The following DCLK1 variants were observed in gnomAD, a reference collection of about 807,000 sequenced individuals.
The protein encoded by DCLK1 is serine/threonine-protein kinase DCLK1.
In DCLK1, 16 loss-of-function variants were observed where a neutral mutation model predicts 86.2. The observed-to-expected ratio is 0.19, with a 90% CI of 0.13 to 0.28. The LOEUF is 0.28. Among genes scored for constraint, DCLK1 ranks in the 10% least tolerant of loss-of-function variants. The pLI is 1.00. For missense variants in DCLK1, 590 were observed against 940.2 expected, an observed-to-expected ratio of 0.63 and a Z score of 4.87; for synonymous variants, 369 against 370.5, an observed-to-expected ratio of 1.00 and a Z score of 0.05.
chr13:36,058,808 T>C (rs1883430075), intron 3 of DCLK1, among the ~76,000 whole-genome samples: 1 of 152,142 alleles, frequency 6.6e-6, no homozygotes, highest in Non-Finnish European at 1.5e-5. Flanking sequence ...GGCCAACATA[T>C]AATTTAGTGG....
chr13:35,987,382 TG>T (rs972513568), intron 3 of DCLK1, among the ~76,000 whole-genome samples: 1 of 152,196 alleles, frequency 6.6e-6, no homozygotes, highest in Non-Finnish European at 1.5e-5. Context: ...GGGAGACTTC[TG>T]TAGACAGCCT....
At chr13:35,931,346 A>G (rs1876420078) in intron 4 of DCLK1, among the ~76,000 whole-genome samples, 1 of 152,196 alleles carries the variant, frequency 6.6e-6, no homozygotes, top group Non-Finnish European at 1.5e-5. Flanking sequence ...TCTGGCATGA[A>G]TACAATTAAA....
At chr13:35,834,780 C>T (rs576749273) in intron 8 of DCLK1, among the ~76,000 whole-genome samples, 20 of 152,268 alleles carry the variant, frequency 1.3e-4, no homozygotes, top group African/African-American at 4.1e-4. Flanking sequence ...CCCTATGACT[C>T]GTGCCCCTCC....
chr13:36,116,859 T>G (rs184536873), intron 2 of DCLK1, among the ~76,000 whole-genome samples: 39 of 152,346 alleles, frequency 2.6e-4, no homozygotes, highest in Non-Finnish European at 4.0e-4. Flanking sequence ...ACATGAAATA[T>G]TGTTTACAGA....
intron 11 of DCLK1, among the ~76,000 whole-genome samples, chr13:35,817,390 C>A (rs562305405): frequency 3.0e-4 from 45 of 151,792 alleles, no homozygotes; most frequent in Non-Finnish European, 1.3e-4. Context: ...TTTCTAAACA[C>A]CCCCAAAAAA....
chr13:36,096,880 G>A (rs1369333848), intron 3 of DCLK1, among the ~76,000 whole-genome samples: 11 of 152,054 alleles, frequency 7.2e-5, no homozygotes, highest in Admixed American at 7.2e-4. Context: ...GAACATGAAA[G>A]CTTTCTTCTC....
chr13:35,904,443 C>T (rs1874566026), intron 4 of DCLK1, among the ~76,000 whole-genome samples: 1 of 152,200 alleles, frequency 6.6e-6, no homozygotes, highest in Non-Finnish European at 1.5e-5. Context: ...CTGCTCGCCC[C>T]AACCTCCCAA....
intron 3 of DCLK1, among the ~76,000 whole-genome samples, chr13:35,958,124 T>TATA (rs1472448402): frequency 9.0e-4 from 1 of 1,116 alleles, no homozygotes; most frequent in South Asian, 0.038. Context: ...CCACCACCAC[T>TATA]ACCACTACTA....
At chr13:35,800,412 C>T (rs902833568) in intron 15 of DCLK1, among the ~76,000 whole-genome samples, 6 of 152,182 alleles carry the variant, frequency 3.9e-5, no homozygotes, top group Non-Finnish European at 8.8e-5. Context: ...ATGCTCCTCC[C>T]ATGGGTCTAC....
chr13:35,886,935 A>G (rs1409094434), intron 4 of DCLK1, among the ~76,000 whole-genome samples: 1 of 152,234 alleles, frequency 6.6e-6, no homozygotes, highest in Non-Finnish European at 1.5e-5. Context: ...GAGCTTCAGT[A>G]GATTCTAAGC....
intron 3 of DCLK1, among the ~76,000 whole-genome samples, chr13:36,080,132 C>G (rs558094402): frequency 6.6e-6 from 1 of 152,194 alleles, no homozygotes; most frequent in South Asian, 2.1e-4. Context: ...TCTGTTTCTA[C>G]AGCTTTTGGA....
chr13:35,877,853 C>T (rs988606676), intron 4 of DCLK1, among the ~76,000 whole-genome samples: 1 of 152,216 alleles, frequency 6.6e-6, no homozygotes, highest in East Asian at 1.9e-4. Flanking sequence ...GAAGCACATT[C>T]AGTTCCAGAG....
chr13:36,095,343 C>T (rs1884973970), intron 3 of DCLK1, among the ~76,000 whole-genome samples: 1 of 151,992 alleles, frequency 6.6e-6, no homozygotes. Context: ...GTAGCTGGGA[C>T]TATAGGCATG....
At chr13:35,913,389 T>C (rs1474959588) in intron 4 of DCLK1, among the ~76,000 whole-genome samples, 1 of 152,228 alleles carries the variant, frequency 6.6e-6, no homozygotes, top group Non-Finnish European at 1.5e-5. Context: ...GCTCTTGACT[T>C]CACTTCTTAA....
intron 3 of DCLK1, among the ~76,000 whole-genome samples, chr13:35,951,337 T>C (rs1877671648): frequency 1.3e-5 from 2 of 151,516 alleles, no homozygotes; most frequent in Admixed American, 6.6e-5. Flanking sequence ...GATGGACGGA[T>C]GGAAGAACTA....
intron 3 of DCLK1, among the ~76,000 whole-genome samples, chr13:35,979,669 C>G (rs1430222125): frequency 6.6e-6 from 1 of 152,192 alleles, no homozygotes; most frequent in African/African-American, 2.4e-5. Flanking sequence ...GCGAACAAAT[C>G]CCAGTGGCGA....
At chr13:35,942,273 T>G (rs1303396982) in intron 4 of DCLK1, among the ~76,000 whole-genome samples, 2 of 152,108 alleles carry the variant, frequency 1.3e-5, no homozygotes, top group Non-Finnish European at 2.9e-5. Context: ...TTCAAGTGAT[T>G]CTCCTGCCTC....
intron 3 of DCLK1, among the ~76,000 whole-genome samples, chr13:36,008,193 G>T (rs1593812158): frequency 1.6e-5 from 1 of 61,548 alleles, no homozygotes; most frequent in Non-Finnish European, 3.0e-5. Context: ...AGAGTCCACA[G>T]AGCTATTTTA....
In DCLK1 at chr13:36,078,489, A is replaced by C. The variant is rs1436360908; in HGVS notation, c.723+33380T>G. ...GGTAGAGTTCTTCAACTGAGTAGAAATCTCCCACAATTCTTTCATTTCAGC... is the reference window on the plus strand; with the variant it reads ...GGTAGAGTTCTTCAACTGAGTAGAACTCTCCCACAATTCTTTCATTTCAGC... On this transcript the variant is annotated intron_variant, in intron 3 of 16. Coordinates refer to ENST00000360631, the MANE Select transcript of DCLK1 (RefSeq NM_001330071.2). 3.9e-5 allele frequency among the ~76,000 whole-genome samples: 6 copies of C among 152,304 alleles called. No individual in the cohort carries two copies. In the East Asian group the frequency reaches 1.2e-3, roughly 29 times the overall value.
Sources: gnomAD v4.1 joint callset for allele counts (sites outside exome capture counted in the v4.1 genomes callset) on GRCh38, gnomAD v4.1.1 for gene constraint, MANE v1.5 for transcripts, NCBI Gene and HGNC (gene_info 2026-07-23, HGNC 2026-07-21) for gene names.